Variants in THSD4 observed in about 807,000 individuals in gnomAD.
THSD4 encodes the protein thrombospondin type 1 domain containing 4.
Under a neutral mutation model 119.0 loss-of-function variants are expected in THSD4, and 69 were observed. That is an observed-to-expected ratio of 0.58 (90% CI 0.48 to 0.71). The LOEUF (loss-of-function observed/expected upper bound fraction) is 0.71, where lower values mean the gene tolerates loss of function less well. THSD4 is among the 30% of genes least tolerant of loss of function. The pLI is 0.00. For missense variants in THSD4, 1,393 were observed against 1,391.1 expected (o/e 1.00, Z -0.02); for synonymous variants, 524 against 540.4 (o/e 0.97, Z 0.42).
chr15:71,389,257 C>T (rs2046337782), intron 6 of THSD4, among the ~76,000 whole-genome samples: 1 of 152,102 alleles, frequency 6.6e-6, no homozygotes, highest in Non-Finnish European at 1.5e-5. Flanking sequence ...AAAATGAAAA[C>T]TCCATACCCA....
chr15:71,112,907 T>C (rs2040317613), upstream of THSD4, among the ~76,000 whole-genome samples: 3 of 152,228 alleles, frequency 2.0e-5, no homozygotes, highest in South Asian at 6.2e-4. Flanking sequence ...GGCTGGTCTC[T>C]GTGGCTCACG....
chr15:71,296,904 C>G (rs901478720), intron 6 of THSD4, among the ~76,000 whole-genome samples: 1 of 152,110 alleles, frequency 6.6e-6, no homozygotes, highest in Non-Finnish European at 1.5e-5. Flanking sequence ...TTAATAACAT[C>G]GACATCATGA....
intron 7 of THSD4, among the ~76,000 whole-genome samples, chr15:71,500,633 C>T (rs575842143): frequency 3.9e-5 from 6 of 152,214 alleles, no homozygotes; most frequent in South Asian, 2.1e-4. Context: ...GTCTTTAATC[C>T]GTTTTCAGTT....
chr15:71,301,359 T>G (rs2044947974), intron 6 of THSD4, among the ~76,000 whole-genome samples: 1 of 152,212 alleles, frequency 6.6e-6, no homozygotes, highest in South Asian at 2.1e-4. Context: ...TTCACATGAT[T>G]TTTCCGTGAT....
chr15:71,237,640 T>G (rs2044116371), intron 4 of THSD4, among the ~76,000 whole-genome samples: 1 of 152,192 alleles, frequency 6.6e-6, no homozygotes, highest in East Asian at 1.9e-4. Flanking sequence ...GGGTGACTTA[T>G]GTGCACTTTT....
intron 10 of THSD4, chr15:71,733,038 AACC>A: frequency 6.6e-6 from 1 of 152,340 alleles, no homozygotes; most frequent in South Asian, 2.1e-4. Context: ...CAGTTTGAGA[AACC>A]AAGTTTGGGT....
At chr15:71,515,499 C>T (rs1385161783) in intron 7 of THSD4, among the ~76,000 whole-genome samples, 3 of 152,104 alleles carry the variant, frequency 2.0e-5, no homozygotes, top group Admixed American at 6.6e-5. Flanking sequence ...AAGTTGCTGA[C>T]GTACCCTGCC....
chr15:71,295,928 TCTGGCTTCTGTTA>T (rs2044856210), intron 6 of THSD4, among the ~76,000 whole-genome samples: 1 of 152,228 alleles, frequency 6.6e-6, no homozygotes, highest in African/African-American at 2.4e-5. Flanking sequence ...GTCTCTTGCA[TCTGGCTTCTGTTA>T]CTTAATATAA....
At chr15:71,275,834 C>T (rs1043130786) in intron 6 of THSD4, among the ~76,000 whole-genome samples, 4 of 152,170 alleles carry the variant, frequency 2.6e-5, no homozygotes, top group Non-Finnish European at 5.9e-5. Context: ...CGCCTTACTG[C>T]CACCGTGTGA....
chr15:71,654,862 G>C (rs2051158654), intron 7 of THSD4, among the ~76,000 whole-genome samples: 1 of 152,160 alleles, frequency 6.6e-6, no homozygotes, highest in Non-Finnish European at 1.5e-5. Context: ...AGCACACACA[G>C]ACACATCTGC....
At chr15:71,587,166 CT>C (rs1214534865) in intron 7 of THSD4, among the ~76,000 whole-genome samples, 1 of 136,840 alleles carries the variant, frequency 7.3e-6, no homozygotes, top group Admixed American at 7.8e-5. Context: ...CACTTTTACA[CT>C]GTTGGTGGGA....
At chr15:71,771,034 A>G in intron 16 of THSD4, 30 bp from the exon 17 acceptor site, 1 of 1,608,728 alleles carries the variant, frequency 6.2e-7, no homozygotes, top group Non-Finnish European at 8.5e-7. Flanking sequence ...CTGCCCAAAA[A>G]TCTGATGTTT....
chr15:71,512,594 T>A (rs957771242), intron 7 of THSD4, among the ~76,000 whole-genome samples: 1 of 152,174 alleles, frequency 6.6e-6, no homozygotes, highest in Non-Finnish European at 1.5e-5. Context: ...AAGCTAATAT[T>A]TAACATAGGA....
chr15:71,180,175 A>T (rs1384333767), intron 3 of THSD4, among the ~76,000 whole-genome samples: 4 of 148,328 alleles, frequency 2.7e-5, no homozygotes, highest in African/African-American at 7.5e-5. Context: ...AAAAAATAAA[A>T]AAAAAAAAAG....
intron 8 of THSD4, among the ~76,000 whole-genome samples, chr15:71,694,140 G>T (rs972489634): frequency 6.6e-6 from 1 of 152,192 alleles, no homozygotes; most frequent in African/African-American, 2.4e-5. Context: ...TGTGAGAAAT[G>T]GTCTTGGTCA....
chr15:71,205,492 C>T (rs1291774541), intron 3 of THSD4, among the ~76,000 whole-genome samples: 1 of 152,110 alleles, frequency 6.6e-6, no homozygotes, highest in African/African-American at 2.4e-5. Flanking sequence ...CTGTCTCATT[C>T]CTCATTTATC....
chr15:71,421,815 G>A (rs1053494808), intron 7 of THSD4, among the ~76,000 whole-genome samples: 9 of 152,044 alleles, frequency 5.9e-5, no homozygotes, highest in Non-Finnish European at 1.0e-4. Flanking sequence ...TTTGCACTTC[G>A]GAGGCTGTTT....
At chr15:71,711,919 G>T (rs1285450442) in intron 8 of THSD4, among the ~76,000 whole-genome samples, 4 of 152,076 alleles carry the variant, frequency 2.6e-5, no homozygotes, top group Non-Finnish European at 1.5e-5. Flanking sequence ...AAAACTGATA[G>T]CGTTGAAAGG....
In THSD4 at chr15:71,200,219, G is replaced by A. The variant is rs140123648; in HGVS notation, c.100-14816G>A. Among the ~76,000 whole-genome samples the A allele has an allele frequency of 4.3e-4, 65 of 152,202 alleles. No individual in the cohort carries two copies. In the East Asian group the frequency reaches 0.012, roughly 28 times the overall value. ...TTCTCACATAGGTCTGTTGTTCACC[G>A]AGTCATTGTTGGTCCAGACAGGCTG... On this transcript the variant is annotated intron_variant, in intron 3 of 17. Transcript: ENST00000261862.
Sources: gnomAD v4.1 joint callset for allele counts (sites outside exome capture counted in the v4.1 genomes callset) on GRCh38, gnomAD v4.1.1 for gene constraint, MANE v1.5 for transcripts, NCBI Gene and HGNC (gene_info 2026-07-23, HGNC 2026-07-21) for gene names.